SPOCK3: variants seen among roughly 807,000 people sequenced by gnomAD.
SPOCK3 encodes SPARC (osteonectin), cwcv and kazal like domains proteoglycan 3.
SPOCK3 carries 30 observed loss-of-function variants against 56.6 expected under a neutral mutation model. The ratio of observed to expected loss-of-function variants is 0.53; its 90% CI spans 0.40 to 0.72. The LOEUF (loss-of-function observed/expected upper bound fraction) is 0.72. SPOCK3 is among the 30% of genes least tolerant of loss of function. SPOCK3 has a pLI of 0.00. For synonymous variants in SPOCK3, 196 were observed against 183.3 expected, an observed-to-expected ratio of 1.07 and a Z score of -0.56; for missense variants, 527 against 530.0, an observed-to-expected ratio of 0.99 and a Z score of 0.06.
intron 4 of SPOCK3, among the ~76,000 whole-genome samples, chr4:166,952,936 A>G (rs935225544): frequency 6.6e-6 from 1 of 150,882 alleles, no homozygotes; most frequent in African/African-American, 2.5e-5. Context: ...AATCAATTCA[A>G]GATGGATTAA....
chr4:167,039,171 C>A (rs1368623609), intron 3 of SPOCK3, among the ~76,000 whole-genome samples: 10 of 152,174 alleles, frequency 6.6e-5, no homozygotes, highest in Admixed American at 6.6e-4. Flanking sequence ...CCAATCTCTG[C>A]TGCTGTCATC....
At chr4:167,054,379 C>T (rs1427875369) in intron 3 of SPOCK3, among the ~76,000 whole-genome samples, 2 of 152,190 alleles carry the variant, frequency 1.3e-5, no homozygotes, top group African/African-American at 4.8e-5. Context: ...CTTTATCATG[C>T]TACCACCTAG....
At chr4:166,934,624 T>C (rs1740184165) in intron 4 of SPOCK3, among the ~76,000 whole-genome samples, 1 of 152,188 alleles carries the variant, frequency 6.6e-6, no homozygotes, top group Non-Finnish European at 1.5e-5. Flanking sequence ...TAATAATCTA[T>C]GTGATCTCTA....
intron 5 of SPOCK3, among the ~76,000 whole-genome samples, chr4:166,909,670 T>A (rs1369676031): frequency 1.3e-5 from 2 of 152,084 alleles, no homozygotes; most frequent in Admixed American, 1.3e-4. Flanking sequence ...ATCTTTAACA[T>A]ATCAGGACTA....
At chr4:166,964,884 T>C (rs1744544931) in intron 4 of SPOCK3, among the ~76,000 whole-genome samples, 1 of 151,812 alleles carries the variant, frequency 6.6e-6, no homozygotes, top group Non-Finnish European at 1.5e-5. Flanking sequence ...CTAAAAATAA[T>C]TTGAATGCTA....
intron 3 of SPOCK3, among the ~76,000 whole-genome samples, chr4:167,057,696 T>A (rs1239691145): frequency 3.9e-5 from 6 of 152,160 alleles, no homozygotes; most frequent in Non-Finnish European, 7.3e-5. Context: ...AAGAAGGCCA[T>A]TACTTAATGG....
chr4:167,024,425 T>C (rs1277760435), intron 3 of SPOCK3, among the ~76,000 whole-genome samples: 2 of 152,084 alleles, frequency 1.3e-5, no homozygotes, highest in Non-Finnish European at 2.9e-5. Flanking sequence ...ATAAATTTCT[T>C]ACACGTTAAC....
chr4:167,221,111 A>G lies in SPOCK3; in HGVS notation c.189+12874T>C, dbSNP rs543262362. Among the ~76,000 whole-genome samples, 19 of 152,146 alleles carry G rather than the reference A, an allele frequency of 1.2e-4. No homozygotes were observed. In the South Asian group the frequency reaches 3.3e-3, roughly 27 times the overall value. On this transcript the variant is annotated intron_variant, in intron 2 of 10. Transcript: ENST00000357545. ...ACAATGTGACACACCTGTAACGCCAACACTCTGGGAGGCTGAGGCGGGAGG... is the reference window on the plus strand; with the variant it reads ...ACAATGTGACACACCTGTAACGCCAGCACTCTGGGAGGCTGAGGCGGGAGG...
At chr4:167,220,087 T>C (rs1344209718) in intron 2 of SPOCK3, among the ~76,000 whole-genome samples, 1 of 152,146 alleles carries the variant, frequency 6.6e-6, no homozygotes, top group Non-Finnish European at 1.5e-5. Flanking sequence ...AGAGATTGCT[T>C]GGTTTTCTCA....
intron 2 of SPOCK3, among the ~76,000 whole-genome samples, chr4:167,102,754 CA>C (rs746421684): frequency 1.3e-5 from 2 of 151,886 alleles, no homozygotes; most frequent in Non-Finnish European, 2.9e-5. Flanking sequence ...TGGGTTATGT[CA>C]AACCTCGCCA....
At chr4:166,993,904 C>A (rs979519467) in intron 4 of SPOCK3, among the ~76,000 whole-genome samples, 2 of 152,056 alleles carry the variant, frequency 1.3e-5, no homozygotes, top group Non-Finnish European at 2.9e-5. Context: ...TTAATTCTCA[C>A]AAAAACAGAG....
chr4:167,030,180 G>A (rs1343635802), intron 3 of SPOCK3, among the ~76,000 whole-genome samples: 1 of 151,488 alleles, frequency 6.6e-6, no homozygotes, highest in African/African-American at 2.4e-5. Flanking sequence ...GAAAAAGAGA[G>A]CCTGAGAGAG....
intron 3 of SPOCK3, among the ~76,000 whole-genome samples, chr4:167,030,686 A>G (rs1752191444): frequency 6.6e-6 from 1 of 152,064 alleles, no homozygotes; most frequent in South Asian, 2.1e-4. Context: ...ATTTAAATAA[A>G]CCTATGTGAA....
intron 3 of SPOCK3, among the ~76,000 whole-genome samples, chr4:167,061,392 C>T (rs940154276): frequency 2.0e-5 from 3 of 151,816 alleles, no homozygotes; most frequent in Non-Finnish European, 2.9e-5. Flanking sequence ...TTTTAAAATG[C>T]TGATCTCACA....
intron 6 of SPOCK3, among the ~76,000 whole-genome samples, chr4:166,858,478 A>G (rs62353217): frequency 0.025 from 3,837 of 152,274 alleles, 47 homozygotes; most frequent in Middle Eastern, 0.041. Context: ...ATAGCATGTA[A>G]GTACAGAGTA....
chr4:167,152,208 T>A (rs1338140862), intron 2 of SPOCK3, among the ~76,000 whole-genome samples: 1 of 152,112 alleles, frequency 6.6e-6, no homozygotes. Flanking sequence ...CATACATAAT[T>A]TTACAACTTA....
At chr4:166,791,873 T>C (rs918501625) in intron 7 of SPOCK3, among the ~76,000 whole-genome samples, 15 of 152,178 alleles carry the variant, frequency 9.9e-5, no homozygotes, top group African/African-American at 3.6e-4. Flanking sequence ...ACTTTCTATG[T>C]TGTTCTACTC....
chr4:166,977,869 T>A (rs1010193239), intron 4 of SPOCK3, among the ~76,000 whole-genome samples: 1 of 152,164 alleles, frequency 6.6e-6, no homozygotes, highest in Non-Finnish European at 1.5e-5. Flanking sequence ...TAGCATTAGA[T>A]CAATTTTCTC....
chr4:167,180,293 G>A (rs950302087), intron 2 of SPOCK3, among the ~76,000 whole-genome samples: 1 of 152,110 alleles, frequency 6.6e-6, no homozygotes, highest in African/African-American at 2.4e-5. Flanking sequence ...CTGTGAGGTA[G>A]AATTGAGGAT....
Sources: gnomAD v4.1 joint callset for allele counts (sites outside exome capture counted in the v4.1 genomes callset) on GRCh38, gnomAD v4.1.1 for gene constraint, MANE v1.5 for transcripts, NCBI Gene and HGNC (gene_info 2026-07-23, HGNC 2026-07-21) for gene names.